Variants in CNTNAP2 observed in about 807,000 individuals in gnomAD.
The protein encoded by CNTNAP2 is contactin-associated protein-like 2.
In CNTNAP2, 98 loss-of-function variants were observed where a neutral mutation model predicts 155.2. The ratio of observed to expected loss-of-function variants is 0.63; its 90% CI spans 0.54 to 0.75. The LOEUF (loss-of-function observed/expected upper bound fraction) is 0.75. Among genes scored for constraint, CNTNAP2 ranks in the 30% least tolerant of loss-of-function variants. The probability of loss-of-function intolerance (pLI) is 0.00; values close to 1 mark genes in which losing one functional copy is unlikely to be tolerated. For missense variants in CNTNAP2, 1,727 were observed against 1,688.1 expected (o/e 1.02, Z -0.40); for synonymous variants, 651 against 631.2 (o/e 1.03, Z -0.47).
chr7:147,398,577 C>G lies in CNTNAP2; in HGVS notation c.1670+2797C>G, dbSNP rs28637347. ...TTTCTGTGTGTTGTATTGGAATACCCTACGATTTGAACTTTTTTTTTTTTT... is the reference window on the plus strand; with the variant it reads ...TTTCTGTGTGTTGTATTGGAATACCGTACGATTTGAACTTTTTTTTTTTTT... On this transcript the variant is annotated intron_variant, in intron 10 of 23. Transcript: ENST00000361727. 3.7e-3 allele frequency among the ~76,000 whole-genome samples: 504 copies of G among 135,740 alleles called. 3 individuals carry two copies. The highest frequency in any genetic ancestry group is 0.014 in the African/African-American group (484 of 35,492). 89.1% of individuals were successfully genotyped at this position (135,740 alleles called of 152,430 possible).
chr7:147,284,486 T>A (rs1805132753), intron 8 of CNTNAP2, among the ~76,000 whole-genome samples: 1 of 151,886 alleles, frequency 6.6e-6, no homozygotes, highest in African/African-American at 2.4e-5. Flanking sequence ...ACCTGACTTA[T>A]GCACATGATG....
At position 146,532,497 on chromosome 7, in the gene CNTNAP2, A is replaced by G. The variant is rs375690977; in HGVS notation, c.98-241774A>G. 2.6e-5 allele frequency among the ~76,000 whole-genome samples: 4 copies of G among 152,114 alleles called. No homozygotes were observed. In the South Asian group the frequency reaches 8.3e-4, roughly 32 times the overall value. On this transcript the variant is annotated intron_variant, in intron 1 of 23. Coordinates refer to ENST00000361727, the MANE Select transcript of CNTNAP2 (RefSeq NM_014141.6). ...GAAACTTGGAGTGTTATTGTATAGGACACAATTTTATGTGATATGACTCTC... is the reference window on the plus strand; with the variant it reads ...GAAACTTGGAGTGTTATTGTATAGGGCACAATTTTATGTGATATGACTCTC...
At chr7:146,273,714 GAACAAGGGA>G (rs2129083749) in intron 1 of CNTNAP2, among the ~76,000 whole-genome samples, 1 of 152,160 alleles carries the variant, frequency 6.6e-6, no homozygotes, top group African/African-American at 2.4e-5. Flanking sequence ...ATTTATAGCA[GAACAAGGGA>G]AAGAACACCT....
chr7:148,115,237 G>A (rs145025197), intron 15 of CNTNAP2, among the ~76,000 whole-genome samples: 8 of 152,242 alleles, frequency 5.3e-5, no homozygotes, highest in African/African-American at 7.2e-5. Flanking sequence ...TCCTCTCTGC[G>A]GATATTTCTG....
rs541736953 is a variant in CNTNAP2, at chr7:146,441,389, C to T, written c.97+324416C>T. 2.6e-4 allele frequency among the ~76,000 whole-genome samples: 40 copies of T among 151,554 alleles called. 1 individual carries two copies. The highest frequency in any genetic ancestry group is 5.6e-4 in the African/African-American group (23 of 40,932). ...GTTGTCCTCAAGTCATCTCTCTATGCGGTATCTCCTGAAAGAACTGTCTCC... is the reference window on the plus strand; with the variant it reads ...GTTGTCCTCAAGTCATCTCTCTATGTGGTATCTCCTGAAAGAACTGTCTCC... On this transcript the variant is annotated intron_variant, in intron 1 of 23. Coordinates refer to ENST00000361727, the MANE Select transcript of CNTNAP2 (RefSeq NM_014141.6).
intron 12 of CNTNAP2, among the ~76,000 whole-genome samples, chr7:147,625,889 A>T (rs1381385589): frequency 1.3e-5 from 2 of 152,196 alleles, no homozygotes; most frequent in Admixed American, 1.3e-4. Flanking sequence ...GGACCTGAAA[A>T]TCCAGATCAT....
In CNTNAP2 at chr7:148,297,968, T is replaced by C. The variant is rs148374418; in HGVS notation, c.3475+30842T>C. 3.9e-3 allele frequency among the ~76,000 whole-genome samples: 600 copies of C among 152,228 alleles called. 8 individuals are homozygous for C. Among genetic ancestry groups the C allele is most frequent in the African/African-American group, 0.014 (571 of 41,538 alleles). On this transcript the variant is annotated intron_variant, in intron 21 of 23. Coordinates refer to ENST00000361727, the MANE Select transcript of CNTNAP2 (RefSeq NM_014141.6). ...GCTCAAGAGCTGCTTTTCTTTCTCA[T>C]TCTCAATTAAGGATTGAAGGAGGAC...
intron 21 of CNTNAP2, among the ~76,000 whole-genome samples, chr7:148,269,119 A>C (rs537836208): frequency 6.6e-6 from 1 of 152,282 alleles, no homozygotes; most frequent in East Asian, 1.9e-4. Flanking sequence ...GAGAGGGGGA[A>C]AGCAGGTGTG....
intron 1 of CNTNAP2, among the ~76,000 whole-genome samples, chr7:146,435,579 A>G (rs533813068): frequency 1.2e-4 from 18 of 152,318 alleles, no homozygotes; most frequent in African/African-American, 4.1e-4. Flanking sequence ...AGTTCCTTGT[A>G]CATAAAGGGT....
intron 18 of CNTNAP2, among the ~76,000 whole-genome samples, chr7:148,186,426 G>A (rs575359665): frequency 2.0e-3 from 299 of 152,232 alleles, no homozygotes; most frequent in African/African-American, 6.7e-3. Context: ...CTGACTCCAA[G>A]CCTAGTGTTT....
intron 1 of CNTNAP2, among the ~76,000 whole-genome samples, chr7:146,359,674 A>T (rs983606993): frequency 3.3e-5 from 5 of 152,222 alleles, no homozygotes; most frequent in African/African-American, 9.6e-5. Flanking sequence ...ATAGGCTCTG[A>T]TAAATAATGT....
At chr7:147,625,614 T>A (rs954714457) in intron 12 of CNTNAP2, among the ~76,000 whole-genome samples, 2 of 152,206 alleles carry the variant, frequency 1.3e-5, no homozygotes, top group Non-Finnish European at 2.9e-5. Flanking sequence ...GTCATGGCAC[T>A]GGACTTGGTG....
At chr7:147,078,655 C>A (rs571825642) in intron 4 of CNTNAP2, among the ~76,000 whole-genome samples, 1 of 151,842 alleles carries the variant, frequency 6.6e-6, no homozygotes, top group Non-Finnish European at 1.5e-5. Context: ...ACACAGACAA[C>A]GTTATTTGGT....
intron 21 of CNTNAP2, among the ~76,000 whole-genome samples, chr7:148,281,137 G>A (rs983359481): frequency 6.6e-6 from 1 of 152,172 alleles, no homozygotes; most frequent in Non-Finnish European, 1.5e-5. Context: ...CTAGCCAGTA[G>A]AGATTAGGAA....
chr7:146,168,553 G>A (rs764674443), intron 1 of CNTNAP2, among the ~76,000 whole-genome samples: 3 of 152,030 alleles, frequency 2.0e-5, no homozygotes, highest in Non-Finnish European at 4.4e-5. Flanking sequence ...TAGCCAGTCT[G>A]TTTTTCTCCA....
chr7:146,522,702 C>A (rs1797631939), intron 1 of CNTNAP2, among the ~76,000 whole-genome samples: 1 of 151,086 alleles, frequency 6.6e-6, no homozygotes, highest in African/African-American at 2.4e-5. Flanking sequence ...TCAAGATTTC[C>A]AATCTGACTT....
chr7:148,335,858 C>CA (rs1563048233), intron 21 of CNTNAP2, among the ~76,000 whole-genome samples: 2 of 110,144 alleles, frequency 1.8e-5, no homozygotes, highest in African/African-American at 6.1e-5. Flanking sequence ...AAATATTGTA[C>CA]GTTTTTTTTC....
Position 146,603,411 on chromosome 7 carries a change from C to CA in CNTNAP2, c.98-170848dup, listed in dbSNP as rs564677956. ...TGGGGGACAGAGTGAGACTCTGTCT[C>CA]AAAAAAAAAAAAGATACAAACAAAT... On this transcript the variant is annotated intron_variant, in intron 1 of 23. Transcript: ENST00000361727. Among the ~76,000 whole-genome samples, 639 of 130,564 alleles carry CA rather than the reference C, an allele frequency of 4.9e-3. 15 individuals carry two copies. The East Asian group carries it at 0.065, about 13-fold the overall frequency. The allele number at this position is 130,564 out of a possible 152,430, so 85.7% of individuals were successfully genotyped here.
At chr7:147,757,166 T>TTG (rs1797223688) in intron 13 of CNTNAP2, among the ~76,000 whole-genome samples, 1 of 152,190 alleles carries the variant, frequency 6.6e-6, no homozygotes, top group Non-Finnish European at 1.5e-5. Context: ...GCCAAGGGAC[T>TTG]TGTAATGATG....
Sources: allele counts gnomAD v4.1 joint callset (sites outside exome capture counted in the v4.1 genomes callset), GRCh38; gene constraint gnomAD v4.1.1; transcripts MANE v1.5; gene names NCBI Gene and HGNC (gene_info 2026-07-23, HGNC 2026-07-21).